ACO1: variants seen among roughly 807,000 people sequenced by gnomAD.
ACO1 encodes the protein aconitase 1.
ACO1 carries 78 observed loss-of-function variants against 105.1 expected under a neutral mutation model. That is an observed-to-expected ratio of 0.74 (90% CI 0.62 to 0.90). ACO1 has a LOEUF of 0.90. Among genes scored for constraint, ACO1 ranks in the 40% least tolerant of loss-of-function variants. The pLI is 0.00. For missense variants in ACO1, 965 were observed against 1,111.1 expected (o/e 0.87, Z 1.87); for synonymous variants, 364 against 397.4 (o/e 0.92, Z 1.00).
chr9:32,429,293 T>TA, intron 12 of ACO1, 126 bp from the exon 13 acceptor site: 1 of 734,586 alleles, frequency 1.4e-6, no homozygotes, highest in Non-Finnish European at 2.4e-6. Context: ...AATAGCACTA[T>TA]ACTGAACTTA....
intron 7 of ACO1, among the ~76,000 whole-genome samples, chr9:32,420,465 C>T (rs1014198196): frequency 6.6e-6 from 1 of 152,148 alleles, no homozygotes; most frequent in African/African-American, 2.4e-5. Flanking sequence ...AACTATTTGA[C>T]ATCATCTTAG....
At chr9:32,433,906 C>T in intron 16 of ACO1, 74 bp downstream of exon 16, 1 of 1,202,894 alleles carries the variant, frequency 8.3e-7, no homozygotes, top group Admixed American at 2.3e-5. Context: ...CTTTATTACC[C>T]CATGCTCTTG....
chr9:32,403,208 C>T (rs1007241829), intron 1 of ACO1, among the ~76,000 whole-genome samples: 9 of 152,232 alleles, frequency 5.9e-5, no homozygotes, highest in East Asian at 1.9e-4. Context: ...TATGCCGTTA[C>T]GCAAGGTTTT....
In ACO1 at chr9:32,454,547, T is replaced by C. The variant is rs1822837913; in HGVS notation, c.*4436T>C. 1 of 152,110 alleles carries C rather than the reference T, an allele frequency of 6.6e-6. No homozygotes were observed. 9.4% of individuals were successfully genotyped at this position (152,110 alleles called of 1,614,324 possible). ...TGGACACCCTGCCAGGATGCTCTAA[T>C]GGGGCTGGGCATGTGTCCATGAAAA... On this transcript the variant is annotated 3_prime_UTR_variant, in exon 21 of 21. Transcript: ENST00000309951.
intron 1 of ACO1, among the ~76,000 whole-genome samples, chr9:32,387,116 C>G (rs548705213): frequency 6.6e-6 from 1 of 152,164 alleles, no homozygotes; most frequent in African/African-American, 2.4e-5. Flanking sequence ...TGCCTTCTTT[C>G]CCCCACTCTT....
At chr9:32,407,450 C>T (rs1810297196) in intron 3 of ACO1, 21 bp downstream of exon 3, 2 of 1,602,730 alleles carry the variant, frequency 1.2e-6, no homozygotes, top group East Asian at 2.2e-5. Flanking sequence ...TGTCACTTCA[C>T]TCTCCTTTGC....
intron 11 of ACO1, among the ~76,000 whole-genome samples, chr9:32,426,877 G>A (rs768742359): frequency 2.0e-5 from 3 of 152,014 alleles, no homozygotes; most frequent in South Asian, 4.2e-4. Context: ...TTGGCTGACC[G>A]TTCCTTGCCA....
At chr9:32,441,352 C>T (rs550398464) in intron 19 of ACO1, among the ~76,000 whole-genome samples, 1 of 152,250 alleles carries the variant, frequency 6.6e-6, no homozygotes, top group East Asian at 1.9e-4. Context: ...GTGGGGTACA[C>T]ATGGCTTACC....
intron 17 of ACO1, 35 bp downstream of exon 17, chr9:32,434,736 A>C (rs369883883): frequency 1.9e-6 from 3 of 1,610,512 alleles, no homozygotes; most frequent in African/African-American, 1.3e-5. Flanking sequence ...ACTAAAGGCA[A>C]AAATGGAGGA....
chr9:32,407,025 G>A (rs914334598), intron 2 of ACO1, among the ~76,000 whole-genome samples: 5 of 151,940 alleles, frequency 3.3e-5, no homozygotes, highest in African/African-American at 4.8e-5. Flanking sequence ...CTCATGATCC[G>A]CCCGCCTCAG....
intron 1 of ACO1, among the ~76,000 whole-genome samples, chr9:32,403,956 A>G (rs896208321): frequency 6.7e-6 from 1 of 150,012 alleles, no homozygotes; most frequent in African/African-American, 2.5e-5. Context: ...GGAGAGTAGC[A>G]CTGTTGCCTT....
intron 1 of ACO1, among the ~76,000 whole-genome samples, chr9:32,403,880 C>T (rs762043709): frequency 1.1e-4 from 17 of 150,768 alleles, no homozygotes; most frequent in Non-Finnish European, 2.2e-4. Context: ...TTTATTGTTG[C>T]AGTTGCTACT....
Position 32,454,635 on chromosome 9 carries a change from G to GAGTC in ACO1, c.*4530_*4533dup, listed in dbSNP as rs1326366358. The GAGTC allele has an allele frequency of 2.6e-5, 4 of 152,172 alleles. No homozygotes were observed. The highest frequency in any genetic ancestry group is 5.9e-5 in the Non-Finnish European group (4 of 68,034). The allele number at this position is 152,172 out of a possible 1,614,324, so 9.4% of individuals were successfully genotyped here. ...TAGAAATGCAATGACCAGCATTTGG[G>GAGTC]AGTCAGTCAAAAGATCCACTTCCTA... On this transcript the variant is annotated 3_prime_UTR_variant, in exon 21 of 21. Transcript: ENST00000309951.
chr9:32,436,469 T>C (rs892501524), intron 18 of ACO1, 72 bp downstream of exon 18: 12 of 1,573,276 alleles, frequency 7.6e-6, no homozygotes, highest in Non-Finnish European at 8.7e-6. Context: ...TATTTACAGT[T>C]ACTCGCCTTT....
At position 32,453,526 on chromosome 9, in the gene ACO1, T is replaced by G. The variant is rs1431906360; in HGVS notation, c.*3415T>G. 1 of 152,136 alleles carries G rather than the reference T, an allele frequency of 6.6e-6. No homozygotes were observed. The highest frequency in any genetic ancestry group is 1.5e-5 in the Non-Finnish European group (1 of 68,022). 9.4% of individuals were successfully genotyped at this position (152,136 alleles called of 1,614,324 possible). A position where few individuals can be genotyped will look rare whatever the true frequency, so the allele number is the denominator to read the frequency against. On this transcript the variant is annotated 3_prime_UTR_variant, in exon 21 of 21. Coordinates refer to ENST00000309951, the MANE Select transcript of ACO1 (RefSeq NM_002197.3). The stretch of plus-strand genomic sequence containing the variant: ...GCCTCTGCAGTAGAGTGGCCTCTTC[T>G]GGGCCCTTCCACATGCCAGGGGATA...
At chr9:32,409,562 C>T in intron 4 of ACO1, among the ~76,000 whole-genome samples, 1 of 152,158 alleles carries the variant, frequency 6.6e-6, no homozygotes, top group East Asian at 1.9e-4. Context: ...ATTAAAATGT[C>T]TTCGTTGGCC....
At chr9:32,426,563 G>A (rs1002341853) in intron 11 of ACO1, among the ~76,000 whole-genome samples, 26 of 152,204 alleles carry the variant, frequency 1.7e-4, no homozygotes, top group African/African-American at 5.8e-4. Context: ...ACCAGACAGT[G>A]TCAGCAGTTC....
In ACO1 at chr9:32,449,020, A is replaced by G. The variant is rs764049502; in HGVS notation, c.2495A>G (p.Gln832Arg). ...GCAGATGCCCTGGGGCTCACAGGGC[A>G]AGAACGATACACTATCATTATTCCA... Reference protein sequence around the residue: ...ENADALGLTGQERYTIIIPEN... With the variant: ...ENADALGLTGRERYTIIIPEN... The change falls in exon 20 of 21, where the codon CAA (glutamine) becomes CGA (arginine). Residue 832 changes from glutamine to arginine, a missense_variant. Coordinates refer to ENST00000309951, the MANE Select transcript of ACO1 (RefSeq NM_002197.3). 3.2e-5 allele frequency: 51 copies of G among 1,614,056 alleles called. No individual in the cohort carries two copies. Among genetic ancestry groups the G allele is most frequent in the Non-Finnish European group, 8.5e-6 (10 of 1,180,022 alleles).
At chr9:32,401,763 C>G (rs1216323187) in intron 1 of ACO1, among the ~76,000 whole-genome samples, 2 of 152,182 alleles carry the variant, frequency 1.3e-5, no homozygotes, top group Non-Finnish European at 2.9e-5. Flanking sequence ...AAATGTCTTA[C>G]CCTAGTTCTG....
Sources: gnomAD v4.1 joint callset for allele counts (sites outside exome capture counted in the v4.1 genomes callset) on GRCh38, gnomAD v4.1.1 for gene constraint, MANE v1.5 for transcripts, NCBI Gene and HGNC (gene_info 2026-07-23, HGNC 2026-07-21) for gene names.